The following FGL1 variants were observed in gnomAD, a reference collection of about 807,000 sequenced individuals.
FGL1 encodes fibrinogen-like protein 1.
FGL1 carries 59 observed loss-of-function variants against 43.7 expected under a neutral mutation model. That is an observed-to-expected ratio of 1.35 (90% CI 1.10 to 1.68). FGL1 has a LOEUF of 1.68. FGL1 is among the 40% of genes most tolerant of loss of function. FGL1 has a pLI of 0.00. For synonymous variants in FGL1, 192 were observed against 126.5 expected, an observed-to-expected ratio of 1.52 and a Z score of -3.48; for missense variants, 596 against 373.0, an observed-to-expected ratio of 1.60 and a Z score of -4.92.
chr8:17,882,018 T>A lies in FGL1; in HGVS notation c.225A>T (p.Gly75=). The change falls in exon 3 of 8, where the codon GGA becomes GGT. Residue 75 remains glycine (G), a synonymous_variant. Transcript: ENST00000427924. The part of the protein sequence containing the change: ...KGDENTVIDL[G]SKRQYADCSE... ...TCTGACCTGCATACTGCCTCTTGCT[T>A]CCAAGATCAATGACAGTATTCTCAT... is the stretch of plus-strand genomic sequence containing the variant. 1 of 1,613,928 alleles carries A rather than the reference T, an allele frequency of 6.2e-7. No homozygotes were observed. Among genetic ancestry groups the A allele is most frequent in the Non-Finnish European group, 8.5e-7 (1 of 1,179,916 alleles).
At chr8:17,881,199 C>T (rs35663364) in intron 3 of FGL1, among the ~76,000 whole-genome samples, 5,388 of 150,008 alleles carry the variant, frequency 0.036, 338 homozygotes, top group African/African-American at 0.13. Flanking sequence ...TGCAGTGGCA[C>T]GATCTTGGCT....
chr8:17,878,289 A>C (rs2053486742), intron 3 of FGL1, among the ~76,000 whole-genome samples: 1 of 152,214 alleles, frequency 6.6e-6, no homozygotes, highest in Non-Finnish European at 1.5e-5. Context: ...TTTAATCCTT[A>C]CAACAAATAC....
intron 3 of FGL1, among the ~76,000 whole-genome samples, chr8:17,881,509 T>G (rs1172512466): frequency 6.6e-6 from 1 of 151,564 alleles, no homozygotes; most frequent in African/African-American, 2.4e-5. Flanking sequence ...TATTTAGCAT[T>G]CACATTAAAT....
rs371133255 is a variant in FGL1 at position 17,868,622 on chromosome 8, G to A, written c.705C>T (p.Ser235=). Residue 235 remains serine (S), a synonymous_variant, in exon 7 of 8, where the codon AGC becomes AGT. Transcript: ENST00000427924. ...AGTTGTCATGATCTCTGTCCCACGT[G>A]CTGAATTTCATTCTTTGGTGACTAG... ...WWASHQRMKF[S]TWDRDHDNYE... 101 of 1,613,856 alleles carry A rather than the reference G, an allele frequency of 6.3e-5. No individual in the cohort carries two copies. Among genetic ancestry groups the A allele is most frequent in the Non-Finnish European group, 7.6e-5 (90 of 1,179,982 alleles).
chr8:17,886,071 G>A (rs555661670), intron 1 of FGL1, among the ~76,000 whole-genome samples: 71 of 152,230 alleles, frequency 4.7e-4, no homozygotes, highest in Non-Finnish European at 8.7e-4. Flanking sequence ...TGAAAGCAAA[G>A]GTCACACCTT....
chr8:17,886,963 T>C (rs549722037), intron 1 of FGL1, among the ~76,000 whole-genome samples: 16 of 152,240 alleles, frequency 1.1e-4, no homozygotes, highest in African/African-American at 3.9e-4. Context: ...AGTCAGATCC[T>C]CATCTAAATC....
chr8:17,868,748 G>T lies in FGL1; in HGVS notation c.592-13C>A. 6.2e-7 allele frequency: 1 copy of T among 1,603,934 alleles called. No homozygotes were observed. The highest frequency in any genetic ancestry group is 8.5e-7 in the Non-Finnish European group (1 of 1,175,000). ...ACTCGTAGAAATTCTAAAGAAAAAG[G>T]GCATTTCTGCTGTCAGTGGAGTTCC... is the stretch of plus-strand genomic sequence containing the variant. On this transcript the variant is annotated splice_polypyrimidine_tract_variant and intron_variant, in intron 6 of 7. Transcript: ENST00000427924.
At chr8:17,877,864 T>C (rs1366555964) in intron 3 of FGL1, among the ~76,000 whole-genome samples, 1 of 152,226 alleles carries the variant, frequency 6.6e-6, no homozygotes, top group Admixed American at 6.5e-5. Context: ...GAGTAGGCTT[T>C]CTTCCTTGAA....
At chr8:17,882,748 T>TATATTAAACA (rs1563457512) in intron 2 of FGL1, 36 of 103,138 alleles carry the variant, frequency 3.5e-4, no homozygotes, top group Middle Eastern at 5.0e-3. Flanking sequence ...TAATATATAA[T>TATATTAAACA]ATATATAATA....
rs751003523 is a variant in FGL1 at position 17,868,764 on chromosome 8, G to A, written c.592-29C>T. 2.6e-5 allele frequency: 42 copies of A among 1,587,680 alleles called. No homozygotes were observed. The Middle Eastern group carries it at 1.3e-3, about 51-fold the overall frequency. ...AAGAAAAAGGGCATTTCTGCTGTCA[G>A]TGGAGTTCCTCTATGACCATTTTAA... On this transcript the variant is annotated intron_variant, in intron 6 of 7. Coordinates refer to ENST00000427924, the MANE Select transcript of FGL1 (RefSeq NM_004467.4).
chr8:17,894,252 G>A (rs1261071948), intron 1 of FGL1, among the ~76,000 whole-genome samples: 1 of 146,942 alleles, frequency 6.8e-6, no homozygotes, highest in African/African-American at 2.7e-5. Context: ...AAAAAGGAAG[G>A]AAAAAGTTAT....
chr8:17,888,163 T>C (rs2131742942), intron 1 of FGL1, among the ~76,000 whole-genome samples: 1 of 152,186 alleles, frequency 6.6e-6, no homozygotes, highest in Non-Finnish European at 1.5e-5. Flanking sequence ...GAAAATTAAC[T>C]TTCTGATATT....
intron 2 of FGL1, 101 bp downstream of exon 2, chr8:17,885,391 T>A: frequency 9.9e-7 from 1 of 1,009,658 alleles, no homozygotes; most frequent in Non-Finnish European, 1.5e-6. Flanking sequence ...ATAGTTAAGT[T>A]TTTTCAATGA....
rs2053241323 is a variant in FGL1 at position 17,864,624 on chromosome 8, T to C, written c.907A>G (p.Arg303Gly). The change falls in exon 8 of 8, where the codon AGG (arginine) becomes GGG (glycine). Residue 303 changes from arginine (R) to glycine (G), a missense_variant. By Grantham distance (125) the Arg-to-Gly change is moderately radical. Coordinates refer to ENST00000427924, the MANE Select transcript of FGL1 (RefSeq NM_004467.4). ...ACATTTGGAATAAAATCATTTGGCC[T>C]AATTTTCATAACCACAGATTTCAGA... The part of the protein sequence containing the change: ...YSLKSVVMKI[R>G]PNDFIPNVI 1 of 1,610,002 alleles carries C rather than the reference T, an allele frequency of 6.2e-7. No homozygotes were observed. The highest frequency in any genetic ancestry group is 1.3e-5 in the African/African-American group (1 of 74,778).
chr8:17,883,077 T>TATAATATATATCATATGTAATATATTAA lies in FGL1; in HGVS notation c.64-926_64-899dup, dbSNP rs1563457964. 3.2e-4 allele frequency among the ~76,000 whole-genome samples: 25 copies of TATAATATATATCATATGTAATATATTAA among 77,322 alleles called. 7 individuals are homozygous for TATAATATATATCATATGTAATATATTAA. The highest frequency in any genetic ancestry group is 1.4e-3 in the African/African-American group (18 of 12,916). The allele number at this position is 77,322 out of a possible 152,430, so 50.7% of individuals were successfully genotyped here. ...TATATCATATGTAATATATTAAATA[T>TATAATATATATCATATGTAATATATTAA]ATAATATATATCATATGTAATATAT... On this transcript the variant is annotated intron_variant, in intron 2 of 7. Transcript: ENST00000427924.
At position 17,885,502 on chromosome 8, in the gene FGL1, CT is replaced by C; in HGVS notation, c.52del (p.Arg18GlyfsTer105). ...ILVTTALTMG[R>X]EISALEDCAQ... ...TCCCAAGAAGCTTACCGAAATTTCCCTGCCCATTGTCAGAGCGGTGGTAACA... is the reference window on the plus strand; with the variant it reads ...TCCCAAGAAGCTTACCGAAATTTCCCGCCCATTGTCAGAGCGGTGGTAACA... On this transcript the variant is annotated frameshift_variant, in exon 2 of 8. Coordinates refer to ENST00000427924, the MANE Select transcript of FGL1 (RefSeq NM_004467.4). LOFTEE classifies it high-confidence loss of function. 2 of 1,612,414 alleles carry C rather than the reference CT, an allele frequency of 1.2e-6. No homozygotes were observed. Among genetic ancestry groups the C allele is most frequent in the South Asian group, 1.1e-5 (1 of 90,742 alleles).
Position 17,874,455 on chromosome 8 carries a change from C to T in FGL1, c.311G>A (p.Ser104Asn). 6.2e-7 allele frequency: 1 copy of T among 1,614,092 alleles called. No individual in the cohort carries two copies. The highest frequency in any genetic ancestry group is 1.1e-5 in the South Asian group (1 of 91,074). The part of the protein sequence containing the change: ...SGFYKIKPLQ[S>N]PAEFSVYCDM... Reference sequence around the variant, plus strand: ...ACAATAAACAGAAAATTCTGCTGGGCTCTGGAGAGGTTTGATTTTGTAAAA... The same window carrying T: ...ACAATAAACAGAAAATTCTGCTGGGTTCTGGAGAGGTTTGATTTTGTAAAA... The change falls in exon 4 of 8, where the codon AGC (serine) becomes AAC (asparagine). Residue 104 changes from serine (S) to asparagine (N), a missense_variant. Ser to Asn is a conservative substitution (Grantham distance 46). Transcript: ENST00000427924.
chr8:17,872,522 C>G (rs563437238), intron 5 of FGL1, among the ~76,000 whole-genome samples: 1 of 152,056 alleles, frequency 6.6e-6, no homozygotes, highest in African/African-American at 2.4e-5. Context: ...AGGCTGGTCT[C>G]GAAATCCTGG....
intron 2 of FGL1, chr8:17,882,761 T>C (rs1202665135): frequency 2.2e-5 from 3 of 135,982 alleles, no homozygotes; most frequent in Admixed American, 1.7e-4. Flanking sequence ...ATATAATATA[T>C]AATATATTAA....
Sources: allele counts gnomAD v4.1 joint callset (sites outside exome capture counted in the v4.1 genomes callset), GRCh38; gene constraint gnomAD v4.1.1; transcripts MANE v1.5; gene names NCBI Gene and HGNC (gene_info 2026-07-23, HGNC 2026-07-21).